Variants in SLC39A11 observed in about 807,000 individuals in gnomAD.
SLC39A11 encodes the protein solute carrier family 39 member 11.
A neutral mutation model predicts 36.1 loss-of-function variants in SLC39A11; 33 were observed. The observed-to-expected ratio is 0.91, with a 90% CI of 0.69 to 1.22. The LOEUF (loss-of-function observed/expected upper bound fraction) is 1.22, where lower values mean the gene tolerates loss of function less well. Among genes scored for constraint, SLC39A11 ranks in the 50% most tolerant of loss-of-function variants. The pLI is 0.00. For missense variants in SLC39A11, 432 were observed against 430.3 expected (o/e 1.00, Z -0.03); for synonymous variants, 166 against 170.3 (o/e 0.97, Z 0.20).
At chr17:72,754,746 C>T (rs1485848687) in intron 6 of SLC39A11, among the ~76,000 whole-genome samples, 1 of 152,204 alleles carries the variant, frequency 6.6e-6, no homozygotes, top group Admixed American at 6.5e-5. Flanking sequence ...AATGCTGACA[C>T]ACACAGGATG....
At chr17:73,012,335 G>C (rs148182584) in intron 4 of SLC39A11, among the ~76,000 whole-genome samples, 1 of 152,028 alleles carries the variant, frequency 6.6e-6, no homozygotes, top group African/African-American at 2.4e-5. Context: ...GAGGATAAAC[G>C]CTTGAGGGAA....
chr17:72,872,184 A>G (rs1298321914), intron 5 of SLC39A11, among the ~76,000 whole-genome samples: 3 of 152,226 alleles, frequency 2.0e-5, no homozygotes, highest in Non-Finnish European at 2.9e-5. Context: ...GCAAAGTCCC[A>G]GGAGTGGAGG....
chr17:72,774,189 AC>A (rs1357811955), intron 6 of SLC39A11, among the ~76,000 whole-genome samples: 1 of 152,192 alleles, frequency 6.6e-6, no homozygotes, highest in Non-Finnish European at 1.5e-5. Flanking sequence ...GGTATAATGG[AC>A]AGCTGGAACC....
At position 72,890,542 on chromosome 17, in the gene SLC39A11, A is replaced by G. The variant is rs558718180; in HGVS notation, c.431-40738T>C. ...GGTTCCATTCAACTCTTCTGGGTAT[A>G]AGTAATAAAGGAGACAGAGAAAGCT... On this transcript the variant is annotated intron_variant, in intron 5 of 9. Transcript: ENST00000255559. Among the ~76,000 whole-genome samples, 13 of 152,312 alleles carry G rather than the reference A, an allele frequency of 8.5e-5. No individual in the cohort carries two copies. In the East Asian group the frequency reaches 2.5e-3, roughly 29 times the overall value.
chr17:73,034,672 A>G (rs1045555430), intron 3 of SLC39A11, among the ~76,000 whole-genome samples: 3 of 152,182 alleles, frequency 2.0e-5, no homozygotes, highest in Non-Finnish European at 4.4e-5. Flanking sequence ...ATGAAAAAAC[A>G]TAACATCGCT....
At chr17:72,950,981 G>A (rs2085818688) in intron 4 of SLC39A11, among the ~76,000 whole-genome samples, 1 of 152,076 alleles carries the variant, frequency 6.6e-6, no homozygotes, top group Non-Finnish European at 1.5e-5. Flanking sequence ...ATGAGCCAGG[G>A]CCAGGCACAG....
At chr17:73,002,081 G>C (rs1344761865) in intron 4 of SLC39A11, among the ~76,000 whole-genome samples, 1 of 152,038 alleles carries the variant, frequency 6.6e-6, no homozygotes, top group Non-Finnish European at 1.5e-5. Context: ...GATTGCCACA[G>C]TCATCAATTA....
At chr17:72,961,538 C>T (rs2086610046) in intron 4 of SLC39A11, among the ~76,000 whole-genome samples, 1 of 152,180 alleles carries the variant, frequency 6.6e-6, no homozygotes, top group Non-Finnish European at 1.5e-5. Flanking sequence ...CACATATACA[C>T]CATGGAATAC....
intron 4 of SLC39A11, among the ~76,000 whole-genome samples, chr17:72,999,573 G>C (rs1487182639): frequency 6.6e-6 from 1 of 152,132 alleles, no homozygotes; most frequent in Admixed American, 6.5e-5. Context: ...CACGTGTTTT[G>C]AGTGCTCTCC....
At chr17:72,776,704 G>C (rs1077768) in intron 6 of SLC39A11, among the ~76,000 whole-genome samples, 69,480 of 139,530 alleles carry the variant, frequency 0.5, 19,780 homozygotes, top group Non-Finnish European at 0.65. Flanking sequence ...GACATTTCTA[G>C]CGGCATTATA....
At chr17:72,870,813 T>C (rs1329657993) in intron 5 of SLC39A11, among the ~76,000 whole-genome samples, 2 of 152,332 alleles carry the variant, frequency 1.3e-5, no homozygotes, top group Non-Finnish European at 2.9e-5. Context: ...CAATCCCCTC[T>C]TCCCTGGCTG....
At chr17:72,690,479 C>A (rs2071976901) in intron 7 of SLC39A11, among the ~76,000 whole-genome samples, 1 of 152,186 alleles carries the variant, frequency 6.6e-6, no homozygotes, top group South Asian at 2.1e-4. Context: ...AAAAGGGAAA[C>A]TGAAACAGAT....
intron 3 of SLC39A11, among the ~76,000 whole-genome samples, chr17:73,058,627 G>C (rs534571173): frequency 1.3e-5 from 2 of 152,314 alleles, no homozygotes; most frequent in Non-Finnish European, 2.9e-5. Context: ...GGAGAAAGAG[G>C]CAAGAGAATT....
chr17:72,832,903 A>G (rs1392407217), intron 6 of SLC39A11, among the ~76,000 whole-genome samples: 2 of 152,214 alleles, frequency 1.3e-5, no homozygotes, highest in African/African-American at 4.8e-5. Context: ...TTTGGGAAAA[A>G]TGGGGCCACC....
intron 4 of SLC39A11, among the ~76,000 whole-genome samples, chr17:73,005,408 A>G (rs2090125584): frequency 6.6e-6 from 1 of 152,190 alleles, no homozygotes; most frequent in Admixed American, 6.5e-5. Flanking sequence ...TACCTACTGC[A>G]TGCCTGACTG....
At position 72,730,173 on chromosome 17, in the gene SLC39A11, G is replaced by A. The variant is rs114880594; in HGVS notation, c.671+6477C>T. 7.9e-3 allele frequency among the ~76,000 whole-genome samples: 1,198 copies of A among 152,216 alleles called. 17 individuals are homozygous for A. The highest frequency in any genetic ancestry group is 0.027 in the African/African-American group (1,134 of 41,550). On this transcript the variant is annotated intron_variant, in intron 7 of 9. Coordinates refer to ENST00000255559, the MANE Select transcript of SLC39A11 (RefSeq NM_139177.4). ...CTGCGTCATCTACAAGTATCAGACAGGGACATTAAACTCCCCCACCATGAC... is the reference window on the plus strand; with the variant it reads ...CTGCGTCATCTACAAGTATCAGACAAGGACATTAAACTCCCCCACCATGAC...
At chr17:72,805,949 G>T (rs2077241697) in intron 6 of SLC39A11, among the ~76,000 whole-genome samples, 1 of 151,830 alleles carries the variant, frequency 6.6e-6, no homozygotes, top group African/African-American at 2.4e-5. Context: ...ACAGGATTTT[G>T]CCAGGTTGGC....
intron 7 of SLC39A11, among the ~76,000 whole-genome samples, chr17:72,690,584 G>C (rs901254244): frequency 6.6e-6 from 1 of 152,180 alleles, no homozygotes. Context: ...TGAATGGATC[G>C]ACACAATGAG....
At chr17:73,007,652 G>A (rs533817189) in intron 4 of SLC39A11, among the ~76,000 whole-genome samples, 1 of 152,276 alleles carries the variant, frequency 6.6e-6, no homozygotes, top group African/African-American at 2.4e-5. Flanking sequence ...GGTGGTGGAG[G>A]ACTGGCCTGA....
Sources: gnomAD v4.1 joint callset for allele counts (sites outside exome capture counted in the v4.1 genomes callset) on GRCh38, gnomAD v4.1.1 for gene constraint, MANE v1.5 for transcripts, NCBI Gene and HGNC (gene_info 2026-07-23, HGNC 2026-07-21) for gene names.